The following TRIM33 variants were observed in gnomAD, a reference collection of about 807,000 sequenced individuals.
The protein encoded by TRIM33 is tripartite motif containing 33.
A neutral mutation model predicts 125.4 loss-of-function variants in TRIM33; 20 were observed. That is an observed-to-expected ratio of 0.16 (90% CI 0.11 to 0.23). TRIM33 has a LOEUF of 0.23. Among genes scored for constraint, TRIM33 ranks in the 10% least tolerant of loss-of-function variants. The pLI is 1.00. For missense variants in TRIM33, 920 were observed against 1,411.4 expected (o/e 0.65, Z 5.58); for synonymous variants, 564 against 513.9 (o/e 1.10, Z -1.32).
intron 8 of TRIM33, 79 bp downstream of exon 8, chr1:114,427,098 T>G (rs1460222896): frequency 3.0e-6 from 2 of 656,800 alleles, no homozygotes; most frequent in Non-Finnish European, 5.3e-6. Flanking sequence ...GTTAAAAATT[T>G]TATCTAAATT....
chr1:114,410,167 A>G lies in TRIM33; in HGVS notation c.2194+17T>C, dbSNP rs1397515901. ...TTTTAAGGTGTTAAAAAATAAGGTAATACCCGTTTGCTTTACCTGATGATC... is the reference window on the plus strand; with the variant it reads ...TTTTAAGGTGTTAAAAAATAAGGTAGTACCCGTTTGCTTTACCTGATGATC... On this transcript the variant is annotated intron_variant, in intron 12 of 19. Coordinates refer to ENST00000358465, the MANE Select transcript of TRIM33 (RefSeq NM_015906.4). The G allele has an allele frequency of 6.2e-6, 10 of 1,613,666 alleles. No individual in the cohort carries two copies. The highest frequency in any genetic ancestry group is 7.6e-6 in the Non-Finnish European group (9 of 1,179,844).
At chr1:114,489,512 A>G (rs2101527914) in intron 1 of TRIM33, among the ~76,000 whole-genome samples, 1 of 152,226 alleles carries the variant, frequency 6.6e-6, no homozygotes, top group South Asian at 2.1e-4. Context: ...ACGGGGCTGA[A>G]GCAAGAGGAT....
At chr1:114,456,752 A>G (rs904107682) in intron 4 of TRIM33, among the ~76,000 whole-genome samples, 1 of 152,154 alleles carries the variant, frequency 6.6e-6, no homozygotes, top group Non-Finnish European at 1.5e-5. Flanking sequence ...CCCACATGTA[A>G]TAATATAGTA....
chr1:114,488,939 GC>G (rs1163663603), intron 1 of TRIM33, among the ~76,000 whole-genome samples: 1 of 152,174 alleles, frequency 6.6e-6, no homozygotes, highest in Non-Finnish European at 1.5e-5. Context: ...TGTAGTCTCA[GC>G]TGGGGAAGGT....
intron 1 of TRIM33, among the ~76,000 whole-genome samples, chr1:114,485,529 G>T (rs1408325254): frequency 6.6e-6 from 1 of 152,108 alleles, no homozygotes; most frequent in African/African-American, 2.4e-5. Context: ...TCCCTCCCTG[G>T]TATCACAAGG....
chr1:114,491,167 G>C (rs1652040264), intron 1 of TRIM33, among the ~76,000 whole-genome samples: 1 of 152,304 alleles, frequency 6.6e-6, no homozygotes, highest in Non-Finnish European at 1.5e-5. Flanking sequence ...CATATCGTTT[G>C]TGAATTAAGT....
At chr1:114,457,806 G>A (rs930942331) in intron 4 of TRIM33, among the ~76,000 whole-genome samples, 2 of 152,138 alleles carry the variant, frequency 1.3e-5, no homozygotes, top group Non-Finnish European at 2.9e-5. Flanking sequence ...ATTACAGAAG[G>A]TAAAAAATCA....
chr1:114,433,200 T>C (rs1160448629), intron 5 of TRIM33, among the ~76,000 whole-genome samples: 1 of 152,248 alleles, frequency 6.6e-6, no homozygotes, highest in Non-Finnish European at 1.5e-5. Context: ...TATCATGTAT[T>C]CATCTTATAA....
chr1:114,425,408 C>A (rs1380970921), intron 9 of TRIM33, 41 bp downstream of exon 9: 6 of 1,600,320 alleles, frequency 3.7e-6, no homozygotes. Context: ...GTGTTGAGGG[C>A]TTCATAATTT....
At chr1:114,444,015 G>A (rs1648820869) in intron 4 of TRIM33, among the ~76,000 whole-genome samples, 6 of 152,176 alleles carry the variant, frequency 3.9e-5, no homozygotes, top group Admixed American at 2.6e-4. Context: ...TTCAGTCACT[G>A]AACCACATGC....
intron 1 of TRIM33, among the ~76,000 whole-genome samples, chr1:114,477,052 A>G (rs1651016967): frequency 6.6e-6 from 1 of 152,196 alleles, no homozygotes; most frequent in Non-Finnish European, 1.5e-5. Context: ...TTGACTCTAC[A>G]TTTCTAAATG....
chr1:114,398,898 C>CAAAAA (rs372853872), intron 18 of TRIM33, among the ~76,000 whole-genome samples: 131 of 59,722 alleles, frequency 2.2e-3, no homozygotes, highest in Middle Eastern at 0.012. Context: ...AACTTACCCT[C>CAAAAA]AAAAAAAAAA....
chr1:114,444,968 A>G (rs1205220570), intron 4 of TRIM33, among the ~76,000 whole-genome samples: 2 of 152,234 alleles, frequency 1.3e-5, no homozygotes, highest in African/African-American at 2.4e-5. Context: ...GGAAATCTCA[A>G]CAGATAGATG....
At chr1:114,499,839 A>G (rs1652603574) in intron 1 of TRIM33, among the ~76,000 whole-genome samples, 1 of 152,218 alleles carries the variant, frequency 6.6e-6, no homozygotes. Context: ...ATTATCAAAT[A>G]TAAATATGAA....
At chr1:114,414,027 G>GCGCACACACACACACA (rs1353374378) in intron 11 of TRIM33, among the ~76,000 whole-genome samples, 1 of 130,588 alleles carries the variant, frequency 7.7e-6, no homozygotes, top group Admixed American at 7.7e-5. Context: ...TAAATCACAG[G>GCGCACACACACACACA]CACACACACA....
chr1:114,477,679 C>G (rs1651059764), intron 1 of TRIM33, among the ~76,000 whole-genome samples: 1 of 152,170 alleles, frequency 6.6e-6, no homozygotes, highest in Admixed American at 6.6e-5. Flanking sequence ...CACTGTGTAA[C>G]AGAATTTTCT....
intron 1 of TRIM33, among the ~76,000 whole-genome samples, chr1:114,502,149 T>C (rs1279572387): frequency 6.6e-6 from 1 of 152,254 alleles, no homozygotes; most frequent in Non-Finnish European, 1.5e-5. Context: ...TCTTCATTTT[T>C]ACATTTTACT....
chr1:114,397,580 G>GTT lies in TRIM33; in HGVS notation c.*66_*67dup, dbSNP rs369508223. The GTT allele has an allele frequency of 6.6e-3, 7,127 of 1,074,376 alleles. 205 individuals are homozygous for GTT. The highest frequency in any genetic ancestry group is 0.031 in the East Asian group (986 of 31,430). 66.6% of individuals were successfully genotyped at this position (1,074,376 alleles called of 1,614,324 possible). On this transcript the variant is annotated 3_prime_UTR_variant, in exon 20 of 20. Coordinates refer to ENST00000358465, the MANE Select transcript of TRIM33 (RefSeq NM_015906.4). ...CCAGCAACACTTAAAAGTTTTCTGG[G>GTT]TTTTTTGTGTTTTTTTTTTTTTTTT...
chr1:114,424,896 A>C lies in TRIM33; in HGVS notation c.1696-141T>G, dbSNP rs1647455533. The C allele has an allele frequency of 3.0e-5, 18 of 598,246 alleles. No homozygotes were observed. The South Asian group carries it at 6.7e-4, about 22-fold the overall frequency. 37.1% of individuals were successfully genotyped at this position (598,246 alleles called of 1,614,324 possible). A position where few individuals can be genotyped will look rare whatever the true frequency, so the allele number is the denominator to read the frequency against. On this transcript the variant is annotated intron_variant, in intron 9 of 19. Coordinates refer to ENST00000358465, the MANE Select transcript of TRIM33 (RefSeq NM_015906.4). Reference sequence around the variant, plus strand: ...ATAAATAATTCTTATCGCTAGCCCCAATCCCCAGAGGACTGGTAATGACTA... The same window carrying C: ...ATAAATAATTCTTATCGCTAGCCCCCATCCCCAGAGGACTGGTAATGACTA...
Sources: allele counts gnomAD v4.1 joint callset (sites outside exome capture counted in the v4.1 genomes callset), GRCh38; gene constraint gnomAD v4.1.1; transcripts MANE v1.5; gene names NCBI Gene and HGNC (gene_info 2026-07-23, HGNC 2026-07-21).